HS2ST1: variants seen among roughly 807,000 people sequenced by gnomAD.
HS2ST1 encodes 2-O-sulfotransferase.
A neutral mutation model predicts 42.9 loss-of-function variants in HS2ST1; 18 were observed. That is an observed-to-expected ratio of 0.42 (90% CI 0.29 to 0.62). HS2ST1 has a LOEUF of 0.62. Ranked by LOEUF, HS2ST1 falls within the 20% of genes least tolerant of loss-of-function variation. The pLI is 0.21. For synonymous variants in HS2ST1, 146 were observed against 152.9 expected, an observed-to-expected ratio of 0.95 and a Z score of 0.33; for missense variants, 334 against 433.8, an observed-to-expected ratio of 0.77 and a Z score of 2.04.
rs143091047 is a variant in HS2ST1 at position 87,041,419 on chromosome 1, ATAAAT to A, written c.125-31508_125-31504del. Among the ~76,000 whole-genome samples, 1,504 of 152,078 alleles carry A rather than the reference ATAAAT, an allele frequency of 9.9e-3. 16 individuals are homozygous for A. The highest frequency in any genetic ancestry group is 0.018 in the South Asian group (87 of 4,816). ...ATATATAAATTTAAAAAAAGAAGAA[ATAAAT>A]TAAATTTTAAAAATTAAATGTAAAA... is the stretch of plus-strand genomic sequence containing the variant. On this transcript the variant is annotated intron_variant, in intron 1 of 6. Transcript: ENST00000370550.
At chr1:87,079,294 C>T (rs1181976530) in intron 2 of HS2ST1, among the ~76,000 whole-genome samples, 4 of 152,064 alleles carry the variant, frequency 2.6e-5, no homozygotes, top group Admixed American at 6.5e-5. Context: ...TGAGCCACCA[C>T]GCCTGGCTAA....
At chr1:87,000,849 A>G (rs1025180036) in intron 1 of HS2ST1, among the ~76,000 whole-genome samples, 2 of 152,170 alleles carry the variant, frequency 1.3e-5, no homozygotes, top group Non-Finnish European at 2.9e-5. Flanking sequence ...TACTGAAACA[A>G]TTTTACCAGT....
chr1:87,041,756 C>T (rs532156618), intron 1 of HS2ST1, among the ~76,000 whole-genome samples: 7 of 152,182 alleles, frequency 4.6e-5, no homozygotes, highest in South Asian at 2.1e-4. Flanking sequence ...TTGTTGCATA[C>T]GATGGAATTT....
At chr1:86,985,737 T>C (rs1164363219) in intron 1 of HS2ST1, among the ~76,000 whole-genome samples, 1 of 151,896 alleles carries the variant, frequency 6.6e-6, no homozygotes, top group East Asian at 1.9e-4. Flanking sequence ...TAGAGAGATT[T>C]CATCTGTAAG....
At chr1:87,018,557 T>C (rs1294274981) in intron 1 of HS2ST1, among the ~76,000 whole-genome samples, 2 of 152,178 alleles carry the variant, frequency 1.3e-5, no homozygotes, top group Non-Finnish European at 2.9e-5. Flanking sequence ...GGTGGTTTTA[T>C]AGTGGAGTGC....
intron 5 of HS2ST1, among the ~76,000 whole-genome samples, chr1:87,102,752 C>A (rs1212381425): frequency 6.6e-6 from 1 of 152,054 alleles, no homozygotes; most frequent in East Asian, 1.9e-4. Flanking sequence ...CCCTCCCCCT[C>A]TTTGTTTTTT....
At chr1:87,052,625 T>C (rs1170507565) in intron 1 of HS2ST1, among the ~76,000 whole-genome samples, 10 of 152,096 alleles carry the variant, frequency 6.6e-5, no homozygotes. Flanking sequence ...GGAGACGTAG[T>C]GGTTGGTGGC....
chr1:87,036,781 T>C (rs960257905), intron 1 of HS2ST1, among the ~76,000 whole-genome samples: 2 of 152,156 alleles, frequency 1.3e-5, no homozygotes, highest in African/African-American at 4.8e-5. Context: ...TCTCATTTGC[T>C]GAATGAATGA....
chr1:87,075,250 A>T (rs1651511318), intron 2 of HS2ST1, among the ~76,000 whole-genome samples: 1 of 137,492 alleles, frequency 7.3e-6, no homozygotes, highest in South Asian at 2.3e-4. Context: ...GCTCATTGCA[A>T]CCTCTGCCTC....
At chr1:87,037,554 CA>C (rs1650410877) in intron 1 of HS2ST1, among the ~76,000 whole-genome samples, 1 of 150,748 alleles carries the variant, frequency 6.6e-6, no homozygotes, top group African/African-American at 2.4e-5. Flanking sequence ...AAAATTACAT[CA>C]ATAATATGTC....
At chr1:86,993,215 A>C in intron 1 of HS2ST1, 1 of 1,473,902 alleles carries the variant, frequency 6.8e-7, no homozygotes, top group Non-Finnish European at 9.2e-7. Flanking sequence ...TAAAAGGTAC[A>C]GTTTGTAATG....
At chr1:87,066,170 G>T (rs141319665) in intron 1 of HS2ST1, among the ~76,000 whole-genome samples, 2,147 of 152,296 alleles carry the variant, frequency 0.014, 24 homozygotes, top group Non-Finnish European at 0.023. Flanking sequence ...TTAAGGGCCT[G>T]TCAGTATGGA....
At position 87,109,665 on chromosome 1, in the gene HS2ST1, T is replaced by A. The variant is rs762160302; in HGVS notation, c.*4969T>A. 6.6e-6 allele frequency: 1 copy of A among 152,130 alleles called. No individual in the cohort carries two copies. The highest frequency in any genetic ancestry group is 1.5e-5 in the Non-Finnish European group (1 of 67,982). 9.4% of individuals were successfully genotyped at this position (152,130 alleles called of 1,614,324 possible). ...CAATGCTTGATTGATTCTATTTATATTATATGATATTGGGTTGATAAAATA... is the reference window on the plus strand; with the variant it reads ...CAATGCTTGATTGATTCTATTTATAATATATGATATTGGGTTGATAAAATA... On this transcript the variant is annotated 3_prime_UTR_variant, in exon 7 of 7. Coordinates refer to ENST00000370550, the MANE Select transcript of HS2ST1 (RefSeq NM_012262.4).
rs184437545 is a variant in HS2ST1, at chr1:86,992,007, C to T, written c.124+76847C>T. Among the ~76,000 whole-genome samples the T allele has an allele frequency of 4.6e-5, 7 of 152,268 alleles. No homozygotes were observed. The East Asian group carries it at 1.2e-3, about 25-fold the overall frequency. ...CACAGCAGGAGGTGAGTGGCATTAT[C>T]GCCTGAGCTCTGCCTCCCGTCAGAT... On this transcript the variant is annotated intron_variant, in intron 1 of 6. Transcript: ENST00000370550.
chr1:86,926,568 A>G (rs972210549), intron 1 of HS2ST1, among the ~76,000 whole-genome samples: 7 of 152,040 alleles, frequency 4.6e-5, no homozygotes, highest in African/African-American at 9.7e-5. Flanking sequence ...GCTGTTCTCT[A>G]TTTTATCATT....
At chr1:87,069,102 G>GAGCA (rs1651334772) in intron 1 of HS2ST1, among the ~76,000 whole-genome samples, 2 of 152,116 alleles carry the variant, frequency 1.3e-5, no homozygotes, top group African/African-American at 4.8e-5. Flanking sequence ...AGGAAGAGGT[G>GAGCA]GGCCTAGTCT....
intron 1 of HS2ST1, among the ~76,000 whole-genome samples, chr1:86,973,857 G>A (rs910041835): frequency 6.6e-6 from 1 of 152,162 alleles, no homozygotes; most frequent in Admixed American, 6.5e-5. Flanking sequence ...TTAGAAATCA[G>A]TCGTCTAGCT....
chr1:86,921,630 T>C (rs1660302032), intron 1 of HS2ST1, among the ~76,000 whole-genome samples: 2 of 152,018 alleles, frequency 1.3e-5, no homozygotes, highest in South Asian at 4.1e-4. Flanking sequence ...ACAGCATTTG[T>C]CCCCCTTTTG....
intron 1 of HS2ST1, among the ~76,000 whole-genome samples, chr1:87,061,542 ATATTG>A (rs1651122662): frequency 6.6e-6 from 1 of 152,160 alleles, no homozygotes; most frequent in African/African-American, 2.4e-5. Flanking sequence ...ATGTTCATCT[ATATTG>A]TATTACTAAC....
Sources: gnomAD v4.1 joint callset for allele counts (sites outside exome capture counted in the v4.1 genomes callset) on GRCh38, gnomAD v4.1.1 for gene constraint, MANE v1.5 for transcripts, NCBI Gene and HGNC (gene_info 2026-07-23, HGNC 2026-07-21) for gene names.